Variants in USP25 observed in about 807,000 individuals in gnomAD.
The protein encoded by USP25 is ubiquitin specific peptidase 25.
In USP25, 85 loss-of-function variants were observed where a neutral mutation model predicts 158.5. The ratio of observed to expected loss-of-function variants is 0.54; its 90% CI spans 0.45 to 0.64. The LOEUF is 0.64. Ranked by LOEUF, USP25 falls within the 30% of genes least tolerant of loss-of-function variation. USP25 has a pLI of 0.00. For synonymous variants in USP25, 464 were observed against 460.4 expected (o/e 1.01, Z -0.10); for missense variants, 1,242 against 1,327.3 (o/e 0.94, Z 1.00).
At chr21:15,836,455 A>T (rs1314674442) in intron 17 of USP25, among the ~76,000 whole-genome samples, 3 of 152,222 alleles carry the variant, frequency 2.0e-5, no homozygotes, top group South Asian at 2.1e-4. Flanking sequence ...GCAAAGGCAA[A>T]CTTACCTGAA....
In USP25 at chr21:15,730,228, C is replaced by A; in HGVS notation, c.-166C>A. ...CGTTTCGCCGCCTGCCCGCGGTGCC[C>A]GCGCACGCCGGCCGCCATCGCCTTC... On this transcript the variant is annotated 5_prime_UTR_variant, in exon 1 of 26. Transcript: ENST00000400183. The A allele has an allele frequency of 1.3e-6, 1 of 745,436 alleles. No homozygotes were observed. The highest frequency in any genetic ancestry group is 1.6e-6 in the Non-Finnish European group (1 of 611,904). The allele number at this position is 745,436 out of a possible 1,614,324, so 46.2% of individuals were successfully genotyped here. A position where few individuals can be genotyped will look rare whatever the true frequency, so the allele number is the denominator to read the frequency against.
chr21:15,833,568 G>T lies in USP25; in HGVS notation c.2194+20G>T, dbSNP rs777564534. On this transcript the variant is annotated intron_variant, in intron 17 of 25. Coordinates refer to ENST00000400183, the MANE Select transcript of USP25 (RefSeq NM_001283041.3). ...CAACAGGTTTGTCCATTTTTATTAA[G>T]TTGTGTTTGATTATCAATATTATTT... 6.3e-7 allele frequency: 1 copy of T among 1,596,200 alleles called. No homozygotes were observed. The highest frequency in any genetic ancestry group is 1.7e-5 in the Admixed American group (1 of 58,292).
chr21:15,854,357 G>T (rs2039035525), intron 20 of USP25, among the ~76,000 whole-genome samples: 1 of 152,002 alleles, frequency 6.6e-6, no homozygotes, highest in Admixed American at 6.6e-5. Context: ...TATTGGCCAG[G>T]CTGGCCTCAA....
chr21:15,809,469 C>A (rs181014558), intron 8 of USP25, among the ~76,000 whole-genome samples: 1 of 152,232 alleles, frequency 6.6e-6, no homozygotes, highest in East Asian at 1.9e-4. Context: ...ACGAAACACC[C>A]CCCCCAACCC....
chr21:15,821,552 A>C (rs2037237304), intron 10 of USP25, among the ~76,000 whole-genome samples: 1 of 151,976 alleles, frequency 6.6e-6, no homozygotes, highest in Admixed American at 6.5e-5. Context: ...AAAGCTTTAA[A>C]AACAAAATTA....
Position 15,878,487 on chromosome 21 carries a change from T to A in USP25, c.*12T>A, listed in dbSNP as rs954524369. Reference sequence around the variant, plus strand: ...CTGATGGAAGATAAACTGCACACTTTCCCTGAACACACTGTATAAACTCTT... The same window carrying A: ...CTGATGGAAGATAAACTGCACACTTACCCTGAACACACTGTATAAACTCTT... On this transcript the variant is annotated 3_prime_UTR_variant, in exon 26 of 26. Coordinates refer to ENST00000400183, the MANE Select transcript of USP25 (RefSeq NM_001283041.3). 6.2e-7 allele frequency: 1 copy of A among 1,613,686 alleles called. No homozygotes were observed. The highest frequency in any genetic ancestry group is 1.3e-5 in the African/African-American group (1 of 75,048).
intron 20 of USP25, among the ~76,000 whole-genome samples, chr21:15,855,967 A>G (rs957971567): frequency 6.6e-6 from 1 of 152,164 alleles, no homozygotes; most frequent in African/African-American, 2.4e-5. Context: ...TTGGAGCTTC[A>G]TCCATGTTAT....
intron 1 of USP25, among the ~76,000 whole-genome samples, chr21:15,750,954 A>G (rs73181998): frequency 6.6e-6 from 1 of 152,134 alleles, no homozygotes; most frequent in Non-Finnish European, 1.5e-5. Flanking sequence ...TATATTATTA[A>G]TACACTGTTA....
At chr21:15,786,770 C>T (rs1468605135) in intron 4 of USP25, among the ~76,000 whole-genome samples, 2 of 151,844 alleles carry the variant, frequency 1.3e-5, no homozygotes, top group African/African-American at 2.4e-5. Context: ...AGTCTTAGAG[C>T]AGTTAGGCAG....
chr21:15,765,901 A>G (rs1446939775), intron 2 of USP25, 96 bp from the exon 3 acceptor site: 7 of 1,297,168 alleles, frequency 5.4e-6, no homozygotes, highest in East Asian at 5.1e-5. Flanking sequence ...ATTTAAAGCA[A>G]TTTTGTTCTA....
Position 15,840,317 on chromosome 21 carries a change from C to T in USP25, c.2195-2081C>T, listed in dbSNP as rs573443236. Among the ~76,000 whole-genome samples the T allele has an allele frequency of 4.6e-5, 7 of 152,226 alleles. No homozygotes were observed. In the East Asian group the frequency reaches 7.7e-4, roughly 17 times the overall value. ...TGCGTAACTTTTATTGAATTTAGCA[C>T]ATTGTATTATAATAGAATGTATATT... On this transcript the variant is annotated intron_variant, in intron 17 of 25. Coordinates refer to ENST00000400183, the MANE Select transcript of USP25 (RefSeq NM_001283041.3).
At chr21:15,818,022 C>T (rs141324765) in intron 9 of USP25, among the ~76,000 whole-genome samples, 153 of 152,264 alleles carry the variant, frequency 1.0e-3, no homozygotes, top group African/African-American at 3.4e-3. Flanking sequence ...CTACACTAAC[C>T]TCCTGTTAGT....
chr21:15,835,282 A>T (rs1156689438), intron 17 of USP25, among the ~76,000 whole-genome samples: 1 of 152,146 alleles, frequency 6.6e-6, no homozygotes, highest in Admixed American at 6.6e-5. Flanking sequence ...TAAGTTCTAT[A>T]TATCCTCCTC....
intron 4 of USP25, among the ~76,000 whole-genome samples, chr21:15,786,564 A>G (rs1248244032): frequency 6.6e-6 from 1 of 152,134 alleles, no homozygotes; most frequent in Non-Finnish European, 1.5e-5. Flanking sequence ...CACATTACAA[A>G]GTTTAACATC....
At chr21:15,861,115 G>A (rs1260984951) in intron 20 of USP25, among the ~76,000 whole-genome samples, 1 of 151,976 alleles carries the variant, frequency 6.6e-6, no homozygotes, top group Non-Finnish European at 1.5e-5. Flanking sequence ...AACTGAACAA[G>A]GTCTCAAAAG....
intron 1 of USP25, among the ~76,000 whole-genome samples, chr21:15,752,576 CAGGT>C: frequency 6.6e-6 from 1 of 152,270 alleles, no homozygotes; most frequent in Non-Finnish European, 1.5e-5. Flanking sequence ...GGTTGGGTGA[CAGGT>C]AGGAAAAAGG....
At chr21:15,754,192 C>T (rs1467081180) in intron 1 of USP25, among the ~76,000 whole-genome samples, 1 of 152,156 alleles carries the variant, frequency 6.6e-6, no homozygotes, top group African/African-American at 2.4e-5. Context: ...ATTCTAGTCG[C>T]CTGCAGTCTT....
intron 20 of USP25, among the ~76,000 whole-genome samples, chr21:15,858,565 G>T (rs1321433304): frequency 6.6e-6 from 1 of 151,268 alleles, no homozygotes; most frequent in Non-Finnish European, 1.5e-5. Context: ...TTTTCTAATG[G>T]TTTTTCATTT....
intron 1 of USP25, among the ~76,000 whole-genome samples, chr21:15,754,179 C>T (rs1021691729): frequency 2.8e-4 from 42 of 152,132 alleles, no homozygotes; most frequent in African/African-American, 9.7e-4. Flanking sequence ...TTTTGGGTGG[C>T]ATATTCTAGT....
Sources: allele counts gnomAD v4.1 joint callset (sites outside exome capture counted in the v4.1 genomes callset), GRCh38; gene constraint gnomAD v4.1.1; transcripts MANE v1.5; gene names NCBI Gene and HGNC (gene_info 2026-07-23, HGNC 2026-07-21).